Variants in HECW2 observed in about 807,000 individuals in gnomAD.
HECW2 encodes the protein HECT, C2 and WW domain containing E3 ubiquitin protein ligase 2.
In HECW2, 61 loss-of-function variants were observed where a neutral mutation model predicts 175.2. That is an observed-to-expected ratio of 0.35 (90% confidence interval 0.28 to 0.43). The LOEUF (loss-of-function observed/expected upper bound fraction) is 0.43. Ranked by LOEUF, HECW2 falls within the 20% of genes least tolerant of loss-of-function variation. The probability of loss-of-function intolerance (pLI) is 1.00; values close to 1 mark genes in which losing one functional copy is unlikely to be tolerated. For missense variants in HECW2, 1,524 were observed against 2,000.5 expected (o/e 0.76, Z 4.54); for synonymous variants, 671 against 731.0 (o/e 0.92, Z 1.32).
rs191409781 is a variant in HECW2, at chr2:196,496,436, T to C, written c.-35-62978A>G. Among the ~76,000 whole-genome samples the C allele has an allele frequency of 2.6e-5, 4 of 152,256 alleles. 1 individual carries two copies. In the East Asian group the frequency reaches 7.7e-4, roughly 29 times the overall value. Reference sequence around the variant, plus strand: ...TATATATATATAGTACATATATTTATACATGCATGCATACATATAAAGTAG... The same window carrying C: ...TATATATATATAGTACATATATTTACACATGCATGCATACATATAAAGTAG... On this transcript the variant is annotated intron_variant, in intron 1 of 28. Coordinates refer to ENST00000644978, the MANE Select transcript of HECW2 (RefSeq NM_001348768.2).
chr2:196,320,696 T>C (rs1414780481), intron 7 of HECW2, among the ~76,000 whole-genome samples: 1 of 152,200 alleles, frequency 6.6e-6, no homozygotes. Flanking sequence ...TCATATGCTA[T>C]GTGATATTTT....
chr2:196,205,995 G>GA (rs1575217632), intron 28 of HECW2, among the ~76,000 whole-genome samples: 2 of 151,816 alleles, frequency 1.3e-5, no homozygotes, highest in Non-Finnish European at 2.9e-5. Context: ...CCAAGGCCAG[G>GA]AAAAAAACAA....
chr2:196,246,516 C>T (rs944501821), intron 19 of HECW2, among the ~76,000 whole-genome samples: 2 of 152,086 alleles, frequency 1.3e-5, no homozygotes, highest in Non-Finnish European at 2.9e-5. Context: ...TCCTGAGTAG[C>T]TTGGACTACA....
chr2:196,481,649 A>G (rs1263892467), intron 1 of HECW2, among the ~76,000 whole-genome samples: 1 of 152,254 alleles, frequency 6.6e-6, no homozygotes, highest in Admixed American at 6.5e-5. Context: ...AAGCTTACAG[A>G]CCAAAACAGA....
intron 1 of HECW2, among the ~76,000 whole-genome samples, chr2:196,570,331 A>G (rs1194548638): frequency 6.6e-6 from 1 of 152,232 alleles, no homozygotes; most frequent in Non-Finnish European, 1.5e-5. Flanking sequence ...CAAACCAGCT[A>G]CCTTCTGAAT....
At chr2:196,249,621 T>C (rs1212756978) in intron 19 of HECW2, among the ~76,000 whole-genome samples, 2 of 152,242 alleles carry the variant, frequency 1.3e-5, no homozygotes, top group Non-Finnish European at 2.9e-5. Context: ...GTTTGAAATG[T>C]TGCTTTCACA....
intron 7 of HECW2, among the ~76,000 whole-genome samples, chr2:196,320,803 G>GT (rs1164429994): frequency 5.3e-5 from 8 of 152,172 alleles, no homozygotes; most frequent in Non-Finnish European, 7.3e-5. Flanking sequence ...AGTTTTAGGG[G>GT]TTTTTTGACT....
intron 1 of HECW2, among the ~76,000 whole-genome samples, chr2:196,577,067 TAAG>T (rs1309400660): frequency 3.3e-5 from 5 of 152,178 alleles, no homozygotes; most frequent in Admixed American, 2.0e-4. Context: ...AAGGCAAGTG[TAAG>T]AAGAAGGAAA....
chr2:196,322,051 G>C (rs1416515780), intron 7 of HECW2, among the ~76,000 whole-genome samples: 1 of 152,142 alleles, frequency 6.6e-6, no homozygotes, highest in Non-Finnish European at 1.5e-5. Flanking sequence ...ACTTCTTCAA[G>C]TCTAGGTCTC....
chr2:196,262,851 G>A (rs1315239274), intron 17 of HECW2, among the ~76,000 whole-genome samples: 1 of 152,116 alleles, frequency 6.6e-6, no homozygotes, highest in African/African-American at 2.4e-5. Flanking sequence ...GAGCTATGGT[G>A]CTCAGCCCGT....
intron 2 of HECW2, among the ~76,000 whole-genome samples, chr2:196,367,892 G>C (rs938785061): frequency 1.3e-5 from 2 of 151,088 alleles, no homozygotes; most frequent in Non-Finnish European, 2.9e-5. Context: ...GTGTGTGTGT[G>C]TATGGTACAT....
intron 17 of HECW2, chr2:196,258,107 C>T: frequency 1.8e-6 from 1 of 546,286 alleles, no homozygotes; most frequent in Non-Finnish European, 3.2e-6. Flanking sequence ...AGCATCAACA[C>T]CTCCCAGTTC....
chr2:196,467,516 C>T (rs138319048), intron 1 of HECW2, among the ~76,000 whole-genome samples: 44 of 152,248 alleles, frequency 2.9e-4, no homozygotes, highest in African/African-American at 1.0e-3. Context: ...TTCTATGATG[C>T]GCTTACAGTC....
chr2:196,299,437 T>C (rs1690948357), intron 13 of HECW2, among the ~76,000 whole-genome samples: 1 of 152,078 alleles, frequency 6.6e-6, no homozygotes, highest in Non-Finnish European at 1.5e-5. Flanking sequence ...GTAAGGACAT[T>C]TAATGCAAAA....
intron 1 of HECW2, among the ~76,000 whole-genome samples, chr2:196,478,890 C>A (rs1218824971): frequency 6.6e-6 from 1 of 152,094 alleles, no homozygotes. Flanking sequence ...CATCTTACGG[C>A]AAACTTGATG....
intron 1 of HECW2, among the ~76,000 whole-genome samples, chr2:196,522,059 C>T (rs1688417645): frequency 6.6e-6 from 1 of 152,344 alleles, no homozygotes. Context: ...AATAACCACA[C>T]TGACTTCCAC....
At chr2:196,325,551 C>T (rs1430050278) in intron 5 of HECW2, among the ~76,000 whole-genome samples, 2 of 152,108 alleles carry the variant, frequency 1.3e-5, no homozygotes, top group Non-Finnish European at 2.9e-5. Flanking sequence ...CAATGTAATT[C>T]GGCAACCAGA....
rs1160140452 is a variant in HECW2, at chr2:196,323,915, G to GTTTTTTTT, written c.741+1064_741+1065insAAAAAAAA. Among the ~76,000 whole-genome samples, 9 of 68,786 alleles carry GTTTTTTTT rather than the reference G, an allele frequency of 1.3e-4. 1 individual carries two copies. Among genetic ancestry groups the GTTTTTTTT allele is most frequent in the Non-Finnish European group, 2.5e-4 (8 of 32,628 alleles). 45.1% of individuals were successfully genotyped at this position (68,786 alleles called of 152,430 possible). A position where few individuals can be genotyped will look rare whatever the true frequency, so the allele number is the denominator to read the frequency against. On this transcript the variant is annotated intron_variant, in intron 6 of 28. Coordinates refer to ENST00000644978, the MANE Select transcript of HECW2 (RefSeq NM_001348768.2). ...CCCTTAAGAGTTTTTTTTGTTTTTTGTTTGTTTTTTTTTTTTTTTTTTACC... is the reference window on the plus strand; with the variant it reads ...CCCTTAAGAGTTTTTTTTGTTTTTTGTTTTTTTTTTTGTTTTTTTTTTTTTTTTTTACC...
rs111561035 is a variant in HECW2 at position 196,321,976 on chromosome 2, A to G, written c.884+502T>C. Among the ~76,000 whole-genome samples the G allele has an allele frequency of 1.4e-3, 212 of 152,348 alleles. 1 individual carries two copies. Among genetic ancestry groups the G allele is most frequent in the African/African-American group, 4.9e-3 (202 of 41,576 alleles). On this transcript the variant is annotated intron_variant, in intron 7 of 28. Coordinates refer to ENST00000644978, the MANE Select transcript of HECW2 (RefSeq NM_001348768.2). Reference sequence around the variant, plus strand: ...CATTAATTACACATTAAATTTTAAGAGAATGTCAATGAATAAATTTTAGTT... The same window carrying G: ...CATTAATTACACATTAAATTTTAAGGGAATGTCAATGAATAAATTTTAGTT...
Sources: gnomAD v4.1 joint callset for allele counts (sites outside exome capture counted in the v4.1 genomes callset) on GRCh38, gnomAD v4.1.1 for gene constraint, MANE v1.5 for transcripts, NCBI Gene and HGNC (gene_info 2026-07-23, HGNC 2026-07-21) for gene names.